The following DLG2 variants were observed in gnomAD, a reference collection of about 807,000 sequenced individuals.
DLG2 encodes discs large MAGUK scaffold protein 2.
DLG2 carries 45 observed loss-of-function variants against 132.5 expected under a neutral mutation model. The observed-to-expected ratio is 0.34, with a 90% CI of 0.27 to 0.44. The LOEUF is 0.44. Among genes scored for constraint, DLG2 ranks in the 20% least tolerant of loss-of-function variants. The pLI, the probability that DLG2 is intolerant of heterozygous loss-of-function variation, is 1.00. For synonymous variants in DLG2, 424 were observed against 419.6 expected (o/e 1.01, Z -0.13); for missense variants, 1,045 against 1,196.9 (o/e 0.87, Z 1.87).
chr11:84,140,077 G>C (rs563982369), intron 9 of DLG2, among the ~76,000 whole-genome samples: 63 of 152,112 alleles, frequency 4.1e-4, no homozygotes, highest in Non-Finnish European at 6.6e-4. Context: ...ACCTGAGTAG[G>C]ATGATTAACT....
intron 7 of DLG2, among the ~76,000 whole-genome samples, chr11:84,385,519 A>G (rs564279625): frequency 6.6e-5 from 10 of 152,262 alleles, no homozygotes; most frequent in Admixed American, 5.2e-4. Flanking sequence ...AGATATTTAG[A>G]GTACTGTCAC....
intron 6 of DLG2, among the ~76,000 whole-genome samples, chr11:84,591,306 C>T (rs2099542647): frequency 6.8e-6 from 1 of 146,432 alleles, no homozygotes; most frequent in Non-Finnish European, 1.5e-5. Context: ...TACAAAAGAC[C>T]ATGCCTTGTT....
intron 8 of DLG2, among the ~76,000 whole-genome samples, chr11:84,220,513 A>G (rs1446912469): frequency 6.6e-6 from 1 of 152,232 alleles, no homozygotes; most frequent in Non-Finnish European, 1.5e-5. Flanking sequence ...ATTAAAAATT[A>G]AAAGAGGGAT....
At chr11:85,357,742 ATATATATATATATATAT>A (rs2083845969) in intron 3 of DLG2, among the ~76,000 whole-genome samples, 1 of 79,848 alleles carries the variant, frequency 1.3e-5, no homozygotes, top group Non-Finnish European at 2.7e-5. Flanking sequence ...ATATATATAT[ATATATATATATATATAT>A]ATTTTATACT....
intron 6 of DLG2, among the ~76,000 whole-genome samples, chr11:84,626,993 T>C (rs2099623903): frequency 6.6e-6 from 1 of 152,016 alleles, no homozygotes; most frequent in Non-Finnish European, 1.5e-5. Context: ...TGCCCCAGTC[T>C]CCCTAGTAGC....
chr11:85,310,758 C>G (rs189153373), intron 3 of DLG2, among the ~76,000 whole-genome samples: 7 of 152,284 alleles, frequency 4.6e-5, no homozygotes, highest in Admixed American at 4.6e-4. Flanking sequence ...ACATTTATAT[C>G]TGATGCTATA....
At chr11:85,491,713 C>G (rs567465384) in intron 3 of DLG2, among the ~76,000 whole-genome samples, 1 of 151,982 alleles carries the variant, frequency 6.6e-6, no homozygotes, top group African/African-American at 2.4e-5. Flanking sequence ...GACCTGTATA[C>G]TGAAAACTAA....
chr11:85,448,780 A>G (rs1369703993), intron 3 of DLG2, among the ~76,000 whole-genome samples: 2 of 152,154 alleles, frequency 1.3e-5, no homozygotes, highest in African/African-American at 4.8e-5. Context: ...CAAGGAAACA[A>G]GTCCATTGCC....
intron 21 of DLG2, among the ~76,000 whole-genome samples, chr11:83,513,019 T>G (rs182959051): frequency 6.6e-6 from 1 of 152,378 alleles, no homozygotes; most frequent in African/African-American, 2.4e-5. Flanking sequence ...TATAGCAGCA[T>G]GATTTATAAT....
chr11:84,547,231 T>C (rs1327807846), intron 6 of DLG2, among the ~76,000 whole-genome samples: 4 of 152,168 alleles, frequency 2.6e-5, no homozygotes, highest in East Asian at 1.9e-4. Flanking sequence ...TATTTGATTA[T>C]AAAAAATTGG....
chr11:84,510,751 T>C (rs550374233), intron 7 of DLG2, among the ~76,000 whole-genome samples: 19 of 152,338 alleles, frequency 1.2e-4, no homozygotes, highest in Middle Eastern at 6.8e-3. Flanking sequence ...TTTTATTCTC[T>C]ATGGCCTTAC....
intron 6 of DLG2, among the ~76,000 whole-genome samples, chr11:84,622,499 A>G (rs770590749): frequency 6.6e-6 from 1 of 152,186 alleles, no homozygotes; most frequent in Non-Finnish European, 1.5e-5. Context: ...AACTTCATAC[A>G]TCAGTCCTGC....
intron 15 of DLG2, among the ~76,000 whole-genome samples, chr11:83,888,761 T>C (rs1395363994): frequency 5.9e-5 from 9 of 151,994 alleles, no homozygotes; most frequent in Non-Finnish European, 8.8e-5. Flanking sequence ...AACAGAGATA[T>C]AGATCAATGG....
intron 7 of DLG2, among the ~76,000 whole-genome samples, chr11:84,343,918 A>G (rs1245000893): frequency 6.6e-6 from 1 of 152,182 alleles, no homozygotes; most frequent in African/African-American, 2.4e-5. Context: ...TATTTTCATG[A>G]GAAATCAGCA....
chr11:84,759,454 T>C (rs2067309821), intron 6 of DLG2, among the ~76,000 whole-genome samples: 1 of 152,214 alleles, frequency 6.6e-6, no homozygotes, highest in African/African-American at 2.4e-5. Context: ...ATAATTATCA[T>C]AATAATATCA....
intron 3 of DLG2, among the ~76,000 whole-genome samples, chr11:85,543,259 AGTTTGCTAAGAATGATG>A (rs1435081010): frequency 6.6e-6 from 1 of 152,126 alleles, no homozygotes; most frequent in Non-Finnish European, 1.5e-5. Context: ...TTCCTGTGTT[AGTTTGCTAAGAATGATG>A]GTTTCCAGCT....
chr11:84,056,951 C>T (rs981173564), intron 11 of DLG2, among the ~76,000 whole-genome samples: 7 of 152,208 alleles, frequency 4.6e-5, no homozygotes, highest in South Asian at 2.1e-4. Flanking sequence ...TTTAGGGATG[C>T]GAAGTTATTT....
intron 6 of DLG2, among the ~76,000 whole-genome samples, chr11:84,860,710 T>G (rs1022265648): frequency 6.6e-6 from 1 of 152,070 alleles, no homozygotes; most frequent in African/African-American, 2.4e-5. Context: ...TCATTGTCAG[T>G]TTACTGGCAC....
chr11:85,344,748 G>T (rs553183216), intron 3 of DLG2, among the ~76,000 whole-genome samples: 3 of 151,896 alleles, frequency 2.0e-5, no homozygotes, highest in African/African-American at 7.2e-5. Context: ...TGATTGATTT[G>T]CTTCTCATTT....
Sources: allele counts gnomAD v4.1 joint callset (sites outside exome capture counted in the v4.1 genomes callset), GRCh38; gene constraint gnomAD v4.1.1; transcripts MANE v1.5; gene names NCBI Gene and HGNC (gene_info 2026-07-23, HGNC 2026-07-21).